RGS7: variants seen among roughly 807,000 people sequenced by gnomAD.
RGS7 encodes regulator of G protein signaling 7, also known as regulator of G-protein signaling 7.
Under a neutral mutation model 81.1 loss-of-function variants are expected in RGS7, and 27 were observed. The observed-to-expected ratio is 0.33, with a 90% CI of 0.25 to 0.46. RGS7 has a LOEUF of 0.46. Among genes scored for constraint, RGS7 ranks in the 20% least tolerant of loss-of-function variants. The probability of loss-of-function intolerance (pLI) is 1.00; values close to 1 mark genes in which losing one functional copy is unlikely to be tolerated. For missense variants in RGS7, 396 were observed against 607.4 expected (o/e 0.65, Z 3.66); for synonymous variants, 208 against 207.7 (o/e 1.00, Z -0.01).
chr1:241,085,418 TCACA>T (rs1352679194), intron 3 of RGS7, among the ~76,000 whole-genome samples: 1 of 151,670 alleles, frequency 6.6e-6, no homozygotes, highest in African/African-American at 2.4e-5. Flanking sequence ...AGCTTCTCTC[TCACA>T]CTCTATTTAT....
intron 6 of RGS7, among the ~76,000 whole-genome samples, chr1:240,877,578 A>G (rs1340614477): frequency 6.6e-6 from 1 of 152,158 alleles, no homozygotes; most frequent in Non-Finnish European, 1.5e-5. Flanking sequence ...GTGCTGGTCT[A>G]TAATATTTTT....
At chr1:240,899,717 A>T (rs1669671382) in intron 6 of RGS7, among the ~76,000 whole-genome samples, 1 of 151,798 alleles carries the variant, frequency 6.6e-6, no homozygotes, top group Non-Finnish European at 1.5e-5. Flanking sequence ...TGCCCTTAAC[A>T]TTTTTTTCCT....
At chr1:240,782,619 A>G (rs895600135) in intron 18 of RGS7, among the ~76,000 whole-genome samples, 6 of 151,920 alleles carry the variant, frequency 3.9e-5, no homozygotes, top group African/African-American at 1.5e-4. Context: ...ATGAGGTCTC[A>G]TTATGTCATC....
chr1:240,928,740 G>C (rs1674906119), intron 6 of RGS7, among the ~76,000 whole-genome samples: 1 of 151,410 alleles, frequency 6.6e-6, no homozygotes, highest in East Asian at 2.0e-4. Context: ...TCCCAGGTAA[G>C]CTGGGATTAC....
At chr1:240,838,757 C>A (rs954472563) in intron 9 of RGS7, among the ~76,000 whole-genome samples, 3 of 151,574 alleles carry the variant, frequency 2.0e-5, no homozygotes, top group Non-Finnish European at 4.4e-5. Flanking sequence ...GAGGACAATG[C>A]TTATTTTTTA....
chr1:241,073,827 G>T (rs905381257), intron 3 of RGS7, among the ~76,000 whole-genome samples: 1 of 151,820 alleles, frequency 6.6e-6, no homozygotes, highest in East Asian at 1.9e-4. Context: ...CTGCAATTGT[G>T]GCAAGCCAAG....
Position 240,814,697 on chromosome 1 carries a change from G to A in RGS7, c.845+19C>T. 1.3e-6 allele frequency: 2 copies of A among 1,485,660 alleles called. No individual in the cohort carries two copies. The highest frequency in any genetic ancestry group is 1.9e-6 in the Non-Finnish European group (2 of 1,064,162). 92.0% of individuals were successfully genotyped at this position (1,485,660 alleles called of 1,614,324 possible). ...CATATGAAATTTTAAAATTTATACA[G>A]ACACTTTGAAATACTCACCTGTCAG... is the stretch of plus-strand genomic sequence containing the variant. On this transcript the variant is annotated intron_variant, in intron 12 of 18. Transcript: ENST00000440928.
At chr1:241,186,350 C>G (rs1231089898) in intron 2 of RGS7, 2 of 225,688 alleles carry the variant, frequency 8.9e-6, no homozygotes, top group African/African-American at 4.6e-5. Flanking sequence ...CTGGTACATT[C>G]ATAAAGTAAC....
intron 9 of RGS7, among the ~76,000 whole-genome samples, chr1:240,844,137 C>A (rs1658628878): frequency 6.6e-6 from 1 of 152,156 alleles, no homozygotes; most frequent in East Asian, 1.9e-4. Flanking sequence ...ACTCTTTACC[C>A]AGGTTCTCCT....
At chr1:241,356,625 C>G (rs551712426) in intron 1 of RGS7, among the ~76,000 whole-genome samples, 1 of 152,244 alleles carries the variant, frequency 6.6e-6, no homozygotes, top group African/African-American at 2.4e-5. Context: ...CAGGCAAGCC[C>G]CTGCTCCCCT....
intron 18 of RGS7, among the ~76,000 whole-genome samples, chr1:240,796,380 G>A (rs899947113): frequency 1.3e-5 from 2 of 152,058 alleles, no homozygotes; most frequent in Non-Finnish European, 2.9e-5. Flanking sequence ...AAACAATTGA[G>A]TTACAGAGTT....
chr1:240,905,128 T>C (rs1368669508), intron 6 of RGS7, among the ~76,000 whole-genome samples: 3 of 152,216 alleles, frequency 2.0e-5, no homozygotes, highest in Non-Finnish European at 2.9e-5. Flanking sequence ...ATAATATGAT[T>C]TGCAAATCAA....
intron 2 of RGS7, among the ~76,000 whole-genome samples, chr1:241,294,418 T>C (rs1412146675): frequency 6.6e-6 from 1 of 152,102 alleles, no homozygotes; most frequent in Non-Finnish European, 1.5e-5. Flanking sequence ...TGCACATGTA[T>C]CCCAGAACTT....
At chr1:240,973,966 A>G (rs1380314642) in intron 4 of RGS7, among the ~76,000 whole-genome samples, 1 of 152,220 alleles carries the variant, frequency 6.6e-6, no homozygotes, top group Non-Finnish European at 1.5e-5. Flanking sequence ...AATTCGTGGA[A>G]TACAAAGGCC....
chr1:240,930,859 C>A, intron 5 of RGS7, 91 bp from the exon 6 acceptor site: 2 of 1,209,954 alleles, frequency 1.7e-6, no homozygotes, highest in Non-Finnish European at 2.5e-6. Flanking sequence ...TTCCACAATT[C>A]TCTATATTAG....
At chr1:241,170,723 G>A (rs1572976712) in intron 2 of RGS7, among the ~76,000 whole-genome samples, 2 of 152,110 alleles carry the variant, frequency 1.3e-5, no homozygotes, top group East Asian at 1.9e-4. Context: ...GACTTGCTGG[G>A]CAGTAGGAAA....
rs572522793 is a variant in RGS7 at position 241,158,165 on chromosome 1, A to G, written c.79-59403T>C. Among the ~76,000 whole-genome samples, 7 of 152,258 alleles carry G rather than the reference A, an allele frequency of 4.6e-5. No homozygotes were observed. The South Asian group carries it at 1.5e-3, about 32-fold the overall frequency. On this transcript the variant is annotated intron_variant, in intron 2 of 18. Coordinates refer to ENST00000440928, the MANE Select transcript of RGS7 (RefSeq NM_001364886.1). ...GACACAGCCATGCTAATTCATTTAC[A>G]TATTGTCTATAGCTGCTTTTGATCC...
chr1:240,842,750 TCTTCCTTC>T (rs201266262), intron 9 of RGS7, among the ~76,000 whole-genome samples: 7 of 152,116 alleles, frequency 4.6e-5, no homozygotes, highest in Admixed American at 6.5e-5. Context: ...TTTCTTTCTT[TCTTCCTTC>T]CTTCCTTCCT....
At chr1:240,998,165 C>G (rs750087849) in intron 3 of RGS7, among the ~76,000 whole-genome samples, 1 of 152,096 alleles carries the variant, frequency 6.6e-6, no homozygotes, top group Non-Finnish European at 1.5e-5. Flanking sequence ...CTCATGAGAA[C>G]GCTGCTGTGG....
Sources: gnomAD v4.1 joint callset for allele counts (sites outside exome capture counted in the v4.1 genomes callset) on GRCh38, gnomAD v4.1.1 for gene constraint, MANE v1.5 for transcripts, NCBI Gene and HGNC (gene_info 2026-07-23, HGNC 2026-07-21) for gene names.